The following PPFIA2 variants were observed in gnomAD, a reference collection of about 807,000 sequenced individuals.
PPFIA2 encodes the protein PPFI scaffold protein A2, also known as liprin-alpha-2.
Under a neutral mutation model 175.5 loss-of-function variants are expected in PPFIA2, and 46 were observed. The observed-to-expected ratio is 0.26, with a 90% CI of 0.21 to 0.34. The LOEUF (loss-of-function observed/expected upper bound fraction) is 0.34. PPFIA2 is among the 10% of genes least tolerant of loss of function. The pLI is 1.00. For synonymous variants in PPFIA2, 568 were observed against 511.4 expected (o/e 1.11, Z -1.49); for missense variants, 1,179 against 1,506.1 (o/e 0.78, Z 3.60).
intron 18 of PPFIA2, among the ~76,000 whole-genome samples, chr12:81,346,397 G>A (rs2059077123): frequency 6.6e-6 from 1 of 151,236 alleles, no homozygotes; most frequent in African/African-American, 2.4e-5. Flanking sequence ...TTTGCCACGA[G>A]AATTAAATGA....
intron 16 of PPFIA2, among the ~76,000 whole-genome samples, chr12:81,355,658 T>C (rs1159684961): frequency 2.0e-5 from 3 of 152,218 alleles, no homozygotes; most frequent in Non-Finnish European, 4.4e-5. Flanking sequence ...CATCAGCCCT[T>C]GTTGCTTCAC....
chr12:81,748,576 T>C (rs2083345150), intron 3 of PPFIA2, among the ~76,000 whole-genome samples: 1 of 144,664 alleles, frequency 6.9e-6, no homozygotes, highest in Non-Finnish European at 1.6e-5. Flanking sequence ...GCCAAGGCTG[T>C]CCTGGATCAG....
intron 27 of PPFIA2, among the ~76,000 whole-genome samples, chr12:81,278,794 AG>A (rs2136843462): frequency 6.6e-6 from 1 of 152,364 alleles, no homozygotes; most frequent in East Asian, 1.9e-4. Context: ...GTAGACTTCA[AG>A]AGTAAAGATC....
chr12:81,715,714 T>C (rs1272405949), intron 3 of PPFIA2, among the ~76,000 whole-genome samples: 1 of 151,804 alleles, frequency 6.6e-6, no homozygotes, highest in African/African-American at 2.4e-5. Context: ...GTCAAGGAAA[T>C]CTATATCACA....
chr12:81,756,602 G>A (rs2084708434), intron 2 of PPFIA2, among the ~76,000 whole-genome samples: 1 of 151,910 alleles, frequency 6.6e-6, no homozygotes, highest in Non-Finnish European at 1.5e-5. Context: ...AGGTGAACCA[G>A]GACAAGTTAC....
At chr12:81,623,234 C>T (rs191539824) in intron 4 of PPFIA2, among the ~76,000 whole-genome samples, 30 of 152,036 alleles carry the variant, frequency 2.0e-4, no homozygotes, top group African/African-American at 6.5e-4. Context: ...CTTGTACGGT[C>T]CCTCAAGAGG....
chr12:81,738,806 C>T (rs1255587147), intron 3 of PPFIA2, among the ~76,000 whole-genome samples: 1 of 151,704 alleles, frequency 6.6e-6, no homozygotes, highest in African/African-American at 2.4e-5. Context: ...AGTCTGCATA[C>T]AAATAAAATT....
intron 4 of PPFIA2, among the ~76,000 whole-genome samples, chr12:81,588,096 A>G (rs1271874948): frequency 6.6e-6 from 1 of 152,024 alleles, no homozygotes; most frequent in Non-Finnish European, 1.5e-5. Flanking sequence ...ATAATGCAAT[A>G]CACATATCTT....
chr12:81,585,077 AAT>A (rs963713871), intron 4 of PPFIA2, among the ~76,000 whole-genome samples: 4 of 120,252 alleles, frequency 3.3e-5, no homozygotes, highest in African/African-American at 9.0e-5. Flanking sequence ...ATATAAATAT[AAT>A]ATATATAATA....
At chr12:81,602,053 T>G (rs1366398890) in intron 4 of PPFIA2, among the ~76,000 whole-genome samples, 1 of 151,854 alleles carries the variant, frequency 6.6e-6, no homozygotes, top group African/African-American at 2.4e-5. Flanking sequence ...CCTTAAAGTA[T>G]TTTATCAGTA....
intron 10 of PPFIA2, 34 bp from the exon 11 acceptor site, chr12:81,374,802 A>G: frequency 6.3e-7 from 1 of 1,588,958 alleles, no homozygotes; most frequent in Non-Finnish European, 8.6e-7. Context: ...ACACTTAAAG[A>G]GTCAGAGTTT....
At chr12:81,469,409 T>TA (rs2056332221) in intron 4 of PPFIA2, among the ~76,000 whole-genome samples, 1 of 152,202 alleles carries the variant, frequency 6.6e-6, no homozygotes, top group African/African-American at 2.4e-5. Context: ...TGAAATGTGA[T>TA]AAACGCTGTG....
At chr12:81,477,634 G>A (rs2057648070) in intron 4 of PPFIA2, among the ~76,000 whole-genome samples, 1 of 152,120 alleles carries the variant, frequency 6.6e-6, no homozygotes, top group African/African-American at 2.4e-5. Context: ...TTTTATCGAA[G>A]GCCTTTTCTG....
chr12:81,367,109 T>C lies in PPFIA2; in HGVS notation c.1544A>G (p.Lys515Arg). ...CCAAAACATAAGTTTCCATTATACCTTATCATGTAAAGATTCTTCAAGATT... is the reference window on the plus strand; with the variant it reads ...CCAAAACATAAGTTTCCATTATACCCTATCATGTAAAGATTCTTCAAGATT... The part of the protein sequence containing the change: ...RKNLEESLHD[K>R]ERLAEEIEKL... The change falls in exon 14 of 33, where the codon AAG becomes AGG. Residue 515 changes from lysine (K) to arginine (R), a missense_variant and splice_region_variant. Lys to Arg is a conservative substitution (Grantham distance 26, BLOSUM62 2). Transcript: ENST00000549396. 6.9e-7 allele frequency: 1 copy of C among 1,458,686 alleles called. No homozygotes were observed. Among genetic ancestry groups the C allele is most frequent in the Non-Finnish European group, 9.1e-7 (1 of 1,098,702 alleles). 90.4% of individuals were successfully genotyped at this position (1,458,686 alleles called of 1,614,324 possible).
chr12:81,548,519 A>T (rs1359230908), intron 4 of PPFIA2, among the ~76,000 whole-genome samples: 1 of 152,044 alleles, frequency 6.6e-6, no homozygotes, highest in Non-Finnish European at 1.5e-5. Context: ...TTTTCTAGAG[A>T]TGGGAGTCTC....
rs532043040 is a variant in PPFIA2 at position 81,258,797 on chromosome 12, A to T, written c.*897T>A. 1 of 152,004 alleles carries T rather than the reference A, an allele frequency of 6.6e-6. No homozygotes were observed. The highest frequency in any genetic ancestry group is 1.5e-5 in the Non-Finnish European group (1 of 67,992). 9.4% of individuals were successfully genotyped at this position (152,004 alleles called of 1,614,324 possible). A position where few individuals can be genotyped will look rare whatever the true frequency, so the allele number is the denominator to read the frequency against. On this transcript the variant is annotated 3_prime_UTR_variant, in exon 33 of 33. Transcript: ENST00000549396. ...CTGCGGTGGTTGACATTCACTGTCC[A>T]GTACTGGCTGGCATTTCAAGATATT...
At chr12:81,439,785 G>C (rs1469740473) in intron 7 of PPFIA2, 187 bp downstream of exon 7, 7 of 568,182 alleles carry the variant, frequency 1.2e-5, no homozygotes, top group Non-Finnish European at 2.1e-5. Context: ...GTCTAGTAGT[G>C]ACACATATAA....
chr12:81,635,070 G>A (rs1388126187), intron 4 of PPFIA2, among the ~76,000 whole-genome samples: 1 of 152,158 alleles, frequency 6.6e-6, no homozygotes, highest in Non-Finnish European at 1.5e-5. Context: ...GTGAGACAAT[G>A]GGAGCAACGA....
intron 3 of PPFIA2, among the ~76,000 whole-genome samples, chr12:81,682,768 C>T (rs900920277): frequency 5.9e-5 from 9 of 151,938 alleles, no homozygotes; most frequent in Non-Finnish European, 1.0e-4. Context: ...TTGACATGCC[C>T]TATTGTGCCC....
Sources: allele counts gnomAD v4.1 joint callset (sites outside exome capture counted in the v4.1 genomes callset), GRCh38; gene constraint gnomAD v4.1.1; transcripts MANE v1.5; gene names NCBI Gene and HGNC (gene_info 2026-07-23, HGNC 2026-07-21).